Variants in NRXN3 observed in about 807,000 individuals in gnomAD.
NRXN3 encodes the protein neurexin III.
Under a neutral mutation model 137.6 loss-of-function variants are expected in NRXN3, and 32 were observed. That is an observed-to-expected ratio of 0.23 (90% CI 0.18 to 0.31). The LOEUF (loss-of-function observed/expected upper bound fraction) is 0.31. NRXN3 is among the 10% of genes least tolerant of loss of function. The pLI is 1.00. For missense variants in NRXN3, 1,574 were observed against 2,062.5 expected (o/e 0.76, Z 4.59); for synonymous variants, 798 against 784.5 (o/e 1.02, Z -0.29).
chr14:79,328,352 A>T (rs185827724), intron 15 of NRXN3, among the ~76,000 whole-genome samples: 1 of 152,162 alleles, frequency 6.6e-6, no homozygotes, highest in Admixed American at 6.5e-5. Context: ...GTATGTTGTT[A>T]TAGGCAGAAA....
intron 8 of NRXN3, among the ~76,000 whole-genome samples, chr14:78,765,346 T>A (rs1185752753): frequency 6.6e-6 from 1 of 152,060 alleles, no homozygotes; most frequent in Non-Finnish European, 1.5e-5. Flanking sequence ...AGACATGGGG[T>A]TTCTCCATGT....
chr14:79,161,334 T>C (rs2060748612), intron 15 of NRXN3, among the ~76,000 whole-genome samples: 1 of 151,922 alleles, frequency 6.6e-6, no homozygotes, highest in South Asian at 2.1e-4. Flanking sequence ...ACTCACTTCC[T>C]AATCCCAGAC....
chr14:78,603,707 A>T (rs1055764128), intron 4 of NRXN3, among the ~76,000 whole-genome samples: 1 of 152,152 alleles, frequency 6.6e-6, no homozygotes, highest in Non-Finnish European at 1.5e-5. Context: ...AACCACCAAC[A>T]TCATTAGGAC....
intron 15 of NRXN3, among the ~76,000 whole-genome samples, chr14:79,326,068 G>C (rs1342095732): frequency 6.6e-6 from 1 of 152,162 alleles, no homozygotes; most frequent in Non-Finnish European, 1.5e-5. Context: ...TCCAAGTACT[G>C]TCTATTTGCA....
At chr14:79,433,137 G>A (rs1174118304) in intron 15 of NRXN3, among the ~76,000 whole-genome samples, 1 of 152,188 alleles carries the variant, frequency 6.6e-6, no homozygotes, top group Non-Finnish European at 1.5e-5. Flanking sequence ...TCAGAGGGAA[G>A]AATGTCTGCA....
intron 19 of NRXN3, among the ~76,000 whole-genome samples, chr14:79,740,712 T>TATATATATATATATA (rs1491227336): frequency 6.2e-5 from 1 of 16,136 alleles, no homozygotes; most frequent in Non-Finnish European, 1.0e-4. Context: ...ATTTAGTTTT[T>TATATATATATATATA]TATATATATA....
intron 4 of NRXN3, among the ~76,000 whole-genome samples, chr14:78,497,638 C>G (rs2095809331): frequency 6.6e-6 from 1 of 152,090 alleles, no homozygotes; most frequent in African/African-American, 2.4e-5. Flanking sequence ...ATCCATCTGT[C>G]CACCCATCTG....
rs1030521759 is a variant in NRXN3 at position 79,310,013 on chromosome 14, T to A, written c.3263-157208T>A. Among the ~76,000 whole-genome samples, 14 of 130,038 alleles carry A rather than the reference T, an allele frequency of 1.1e-4. 1 individual carries two copies. Among genetic ancestry groups the A allele is most frequent in the African/African-American group, 3.8e-4 (11 of 28,916 alleles). The allele number at this position is 130,038 out of a possible 152,430, so 85.3% of individuals were successfully genotyped here. ...TGGACATGAAGTCCTTGCCCACGCC[T>A]ATGTCCTGAATGGTAATGCCTAGGT... On this transcript the variant is annotated intron_variant, in intron 15 of 20. Coordinates refer to ENST00000335750, the MANE Select transcript of NRXN3 (RefSeq NM_001330195.2).
At chr14:78,556,012 G>C (rs1246963992) in intron 4 of NRXN3, among the ~76,000 whole-genome samples, 1 of 152,180 alleles carries the variant, frequency 6.6e-6, no homozygotes, top group African/African-American at 2.4e-5. Context: ...AGGAGCTCTT[G>C]TCTCCTTTTT....
rs3032366 is a variant in NRXN3, at chr14:78,550,030, CTTTT to C, written c.758-95072_758-95069del. 1.0e-3 allele frequency among the ~76,000 whole-genome samples: 119 copies of C among 117,052 alleles called. 2 individuals are homozygous for C. The highest frequency in any genetic ancestry group is 2.9e-3 in the African/African-American group (90 of 30,772). 76.8% of individuals were successfully genotyped at this position (117,052 alleles called of 152,430 possible). A position where few individuals can be genotyped will look rare whatever the true frequency, so the allele number is the denominator to read the frequency against. ...GAGGAGACAAATCTGATTCTGCAAA[CTTTT>C]TTTTTTTTTTTTTTTTTGAGACAGG... On this transcript the variant is annotated intron_variant, in intron 4 of 20. Coordinates refer to ENST00000335750, the MANE Select transcript of NRXN3 (RefSeq NM_001330195.2).
chr14:79,255,301 T>A (rs1036926118), intron 15 of NRXN3, among the ~76,000 whole-genome samples: 2 of 152,186 alleles, frequency 1.3e-5, no homozygotes, highest in African/African-American at 4.8e-5. Context: ...ACCTTCTCCA[T>A]AATAGGCCAG....
intron 15 of NRXN3, among the ~76,000 whole-genome samples, chr14:79,094,139 C>A (rs2049787824): frequency 6.6e-6 from 1 of 152,114 alleles, no homozygotes. Context: ...CCAGCTTGGA[C>A]TGCTCTGATC....
At chr14:78,891,241 C>T (rs933549211) in intron 10 of NRXN3, among the ~76,000 whole-genome samples, 22 of 151,960 alleles carry the variant, frequency 1.4e-4, no homozygotes, top group African/African-American at 5.1e-4. Context: ...TTTACTCCTT[C>T]AGTATTTATA....
intron 16 of NRXN3, among the ~76,000 whole-genome samples, chr14:79,595,147 G>C (rs2153826350): frequency 6.6e-6 from 1 of 152,292 alleles, no homozygotes; most frequent in African/African-American, 2.4e-5. Flanking sequence ...TCTTCCATGA[G>C]TCGGGACACA....
chr14:78,970,021 A>G (rs1047660325), intron 14 of NRXN3, among the ~76,000 whole-genome samples: 1 of 152,194 alleles, frequency 6.6e-6, no homozygotes, highest in African/African-American at 2.4e-5. Flanking sequence ...TTGGAATTAA[A>G]TTGTATATAG....
At chr14:78,529,128 T>C (rs1323208859) in intron 4 of NRXN3, among the ~76,000 whole-genome samples, 1 of 152,162 alleles carries the variant, frequency 6.6e-6, no homozygotes, top group Non-Finnish European at 1.5e-5. Flanking sequence ...AACCTCATAA[T>C]AGAGCCTGAC....
chr14:79,601,128 C>T (rs2097917863), intron 16 of NRXN3, among the ~76,000 whole-genome samples: 1 of 148,522 alleles, frequency 6.7e-6, no homozygotes, highest in Non-Finnish European at 1.5e-5. Context: ...ACTGCAACCT[C>T]CGACTCCGTG....
intron 16 of NRXN3, among the ~76,000 whole-genome samples, chr14:79,583,542 GAGGAAGA>G (rs924930558): frequency 6.6e-6 from 1 of 151,940 alleles, no homozygotes; most frequent in African/African-American, 2.4e-5. Flanking sequence ...TTTGTTGGTG[GAGGAAGA>G]AGGAAGCCCC....
At chr14:79,188,396 A>ATTTTT (rs368149497) in intron 15 of NRXN3, among the ~76,000 whole-genome samples, 1 of 147,258 alleles carries the variant, frequency 6.8e-6, no homozygotes, top group Non-Finnish European at 1.5e-5. Flanking sequence ...TACAATACAT[A>ATTTTT]TTTTTTTTTT....
Sources: allele counts gnomAD v4.1 joint callset (sites outside exome capture counted in the v4.1 genomes callset), GRCh38; gene constraint gnomAD v4.1.1; transcripts MANE v1.5; gene names NCBI Gene and HGNC (gene_info 2026-07-23, HGNC 2026-07-21).